The following KCNAB2 variants were observed in gnomAD, a reference collection of about 807,000 sequenced individuals.
KCNAB2 encodes the protein voltage-gated potassium channel subunit beta-2.
In KCNAB2, 29 loss-of-function variants were observed where a neutral mutation model predicts 63.6. The ratio of observed to expected loss-of-function variants is 0.46; its 90% CI spans 0.34 to 0.62. KCNAB2 has a LOEUF of 0.62. Ranked by LOEUF, KCNAB2 falls within the 20% of genes least tolerant of loss-of-function variation. KCNAB2 has a pLI of 0.01. For synonymous variants in KCNAB2, 222 were observed against 224.2 expected, an observed-to-expected ratio of 0.99 and a Z score of 0.09; for missense variants, 359 against 563.9, an observed-to-expected ratio of 0.64 and a Z score of 3.68.
chr1:6,072,746 GT>G lies in KCNAB2; in HGVS notation c.219-4del. 1 of 1,613,874 alleles carries G rather than the reference GT, an allele frequency of 6.2e-7. No homozygotes were observed. The highest frequency in any genetic ancestry group is 1.3e-5 in the African/African-American group (1 of 75,024). ...GGTGCTGAGAACTCACGTGGCGTTT[GT>G]TTTTCAGGAACCTGGGCAAGTCTGG... On this transcript the variant is annotated splice_polypyrimidine_tract_variant and splice_region_variant and intron_variant, in intron 2 of 15. Transcript: ENST00000378083.
Position 6,028,119 on chromosome 1 carries a change from C to T in KCNAB2, c.-52-12398C>T, listed in dbSNP as rs1476695546. Among the ~76,000 whole-genome samples the T allele has an allele frequency of 6.6e-6, 1 of 152,204 alleles. No individual in the cohort carries two copies. Among genetic ancestry groups the T allele is most frequent in the Non-Finnish European group, 1.5e-5 (1 of 68,034 alleles). ...GCCAACGGCCCCCTAGGGTCTTGAC[C>T]CCAGTGCACTCAGAGTCAGCACCTG... On this transcript the variant is annotated intron_variant, in intron 1 of 16. Transcript: ENST00000341524. The surrounding 1 kb of genome is among the most constrained non-coding windows in gnomAD (Gnocchi z 4.0).
chr1:5,993,210 G>A (rs1413778999), intron 1 of KCNAB2, among the ~76,000 whole-genome samples: 1 of 151,456 alleles, frequency 6.6e-6, no homozygotes, highest in Non-Finnish European at 1.5e-5. Context: ...TGCTGTTCCC[G>A]GTCCTCCCCA....
At position 6,094,450 on chromosome 1, in the gene KCNAB2, T is replaced by C; in HGVS notation, c.697T>C (p.Trp233Arg). ...CATCAACCAGGGGATGGCCATGTAC[T>C]GGGGCACGTCACGCTGGAGCTCCAT... The part of the protein sequence containing the change: ...HVINQGMAMY[W>R]GTSRWSSMEI... The change falls in exon 11 of 16, where the codon TGG becomes CGG. Residue 233 changes from tryptophan to arginine, a missense_variant. Physicochemically the swap from Trp to Arg is moderately radical, Grantham distance 101. Around this residue, in one of 2 missense-constraint regions of KCNAB2, gnomAD observed 271 missense variants for 476.1 expected, o/e 0.57. Coordinates refer to ENST00000378083, the MANE Select transcript of KCNAB2 (RefSeq NM_001199862.2). 1 of 1,612,058 alleles carries C rather than the reference T, an allele frequency of 6.2e-7. No individual in the cohort carries two copies. The highest frequency in any genetic ancestry group is 8.5e-7 in the Non-Finnish European group (1 of 1,179,546).
chr1:6,092,284 T>G (rs1194564604), intron 10 of KCNAB2, among the ~76,000 whole-genome samples: 2 of 152,232 alleles, frequency 1.3e-5, no homozygotes, highest in Non-Finnish European at 2.9e-5. Context: ...CCAGCCTGCT[T>G]CTGCCCAGAT....
intron 1 of KCNAB2, among the ~76,000 whole-genome samples, chr1:6,014,585 C>G (rs919144023): frequency 6.6e-6 from 1 of 152,224 alleles, no homozygotes; most frequent in Non-Finnish European, 1.5e-5. Context: ...CAGCTGTCCT[C>G]GGCTCTCTGC....
chr1:6,038,235 C>T (rs562268720), intron 1 of KCNAB2, among the ~76,000 whole-genome samples: 1 of 152,022 alleles, frequency 6.6e-6, no homozygotes, highest in Non-Finnish European at 1.5e-5. Context: ...CCACCACTTC[C>T]TCTGAGGTTA....
rs939873196 is a variant in KCNAB2, at chr1:6,098,342, A to C, written c.1159-143A>C. 8 of 1,456,992 alleles carry C rather than the reference A, an allele frequency of 5.5e-6. No homozygotes were observed. The African/African-American group carries it at 1.1e-4, about 21-fold the overall frequency. 90.3% of individuals were successfully genotyped at this position (1,456,992 alleles called of 1,614,324 possible). On this transcript the variant is annotated intron_variant, in intron 15 of 15. Coordinates refer to ENST00000378083, the MANE Select transcript of KCNAB2 (RefSeq NM_001199862.2). ...GAAACACAAAAGCAGCGTGGCCTCC[A>C]TCTGCCTCAGATGGAGCCCAGATGT... is the stretch of plus-strand genomic sequence containing the variant.
In KCNAB2 at chr1:6,095,365, A is replaced by G. The variant is rs765854047; in HGVS notation, c.775A>G (p.Ile259Val). 7.4e-6 allele frequency: 12 copies of G among 1,612,994 alleles called. No homozygotes were observed. The highest frequency in any genetic ancestry group is 1.7e-6 in the Non-Finnish European group (2 of 1,180,008). Reference sequence around the variant, plus strand: ...CCGGCAGTTCAACCTGACCCCGCCCATCTGCGAGCAGGCTGAGTACCACAT... The same window carrying G: ...CCGGCAGTTCAACCTGACCCCGCCCGTCTGCGAGCAGGCTGAGTACCACAT... Reference protein sequence around the residue: ...VARQFNLTPPICEQAEYHMFQ... With the variant: ...VARQFNLTPPVCEQAEYHMFQ... Residue 259 changes from isoleucine to valine, a missense_variant, in exon 12 of 16, where the codon ATC becomes GTC. Ile to Val is a conservative substitution (Grantham distance 29, BLOSUM62 3). Transcript: ENST00000378083.
intron 1 of KCNAB2, among the ~76,000 whole-genome samples, chr1:5,997,745 T>G (rs1182810327): frequency 6.6e-6 from 1 of 152,332 alleles, no homozygotes; most frequent in Admixed American, 6.5e-5. Context: ...AAAGTGATAT[T>G]CTTGCCACCC....
chr1:6,099,878 C>A lies in KCNAB2; in HGVS notation c.*1304C>A. ...AGTGACGCCCCCGTGCAGCTTGGGC[C>A]GGAGGGCAAGGGATGCCAGTAAGTC... is the stretch of plus-strand genomic sequence containing the variant. On this transcript the variant is annotated 3_prime_UTR_variant, in exon 16 of 16. Transcript: ENST00000378083. The A allele has an allele frequency of 6.5e-7, 1 of 1,550,000 alleles. No individual in the cohort carries two copies. The highest frequency in any genetic ancestry group is 8.7e-7 in the Non-Finnish European group (1 of 1,146,734).
At position 6,090,467 on chromosome 1, in the gene KCNAB2, C is replaced by T. The variant is rs1170758158; in HGVS notation, c.593C>T (p.Pro198Leu). The change falls in exon 9 of 16, where the codon CCG (proline) becomes CTG (leucine). Residue 198 changes from proline (P) to leucine (L), a missense_variant. Pro to Leu is a moderately conservative substitution (Grantham distance 98). This residue lies in a region of KCNAB2 where 271 missense variants were observed against 476.1 expected (regional missense o/e 0.57). Transcript: ENST00000378083. ...GCCAACCGCCCGGACCCCAACACCCCGATGGAAGGTAGGTGGTCTGCGGCG... is the reference window on the plus strand; with the variant it reads ...GCCAACCGCCCGGACCCCAACACCCTGATGGAAGGTAGGTGGTCTGCGGCG... ...VFANRPDPNT[P>L]MEGDPFSSSK... 18 of 1,613,194 alleles carry T rather than the reference C, an allele frequency of 1.1e-5. No individual in the cohort carries two copies. The highest frequency in any genetic ancestry group is 1.7e-5 in the Admixed American group (1 of 60,006).
chr1:6,078,066 C>G lies in KCNAB2; in HGVS notation c.301-4129C>G, dbSNP rs2100688518. ...TCTCCCGGCCAGGACCTTTCCCGGC[C>G]TAAGTCCAGGAGTCAGCCGGGCCGG... On this transcript the variant is annotated intron_variant, in intron 4 of 15. Transcript: ENST00000378083. This position sits in a 1 kb window ranked among gnomAD's most constrained non-coding sequence, Gnocchi z 4.2. 1.3e-5 allele frequency among the ~76,000 whole-genome samples: 2 copies of G among 151,846 alleles called. No homozygotes were observed. The highest frequency in any genetic ancestry group is 6.8e-3 in the Middle Eastern group (2 of 294).
At position 6,069,794 on chromosome 1, in the gene KCNAB2, C is replaced by T. The variant is rs1254941160; in HGVS notation, c.219-2961C>T. 1.3e-5 allele frequency among the ~76,000 whole-genome samples: 2 copies of T among 152,206 alleles called. No homozygotes were observed. The highest frequency in any genetic ancestry group is 1.3e-4 in the Admixed American group (2 of 15,284). ...TGGCAGCGGATGGCAGAACCAATAC[C>T]ATCATTTTCACAGGGAAACAAGTTG... On this transcript the variant is annotated intron_variant, in intron 2 of 15. Transcript: ENST00000378083. The surrounding 1 kb of genome is among the most constrained non-coding windows in gnomAD (Gnocchi z 5.4).
chr1:6,082,096 C>A, intron 4 of KCNAB2, 99 bp from the exon 5 acceptor site: 1 of 987,344 alleles, frequency 1.0e-6, no homozygotes, highest in Non-Finnish European at 1.6e-6. Flanking sequence ...GAGGGCAGGG[C>A]CTGGACACGG....
chr1:6,056,492 AC>A (rs1167620607), intron 2 of KCNAB2, among the ~76,000 whole-genome samples: 3 of 152,212 alleles, frequency 2.0e-5, no homozygotes, highest in Non-Finnish European at 2.9e-5. Flanking sequence ...TCCCCTGTGG[AC>A]GTTAGGGTTC....
rs1426043879 is a variant in KCNAB2 at position 6,100,393 on chromosome 1, C to A, written c.*1819C>A. 2 of 195,528 alleles carry A rather than the reference C, an allele frequency of 1.0e-5. No homozygotes were observed. Among genetic ancestry groups the A allele is most frequent in the Non-Finnish European group, 2.1e-5 (2 of 96,884 alleles). 12.1% of individuals were successfully genotyped at this position (195,528 alleles called of 1,614,324 possible). A position where few individuals can be genotyped will look rare whatever the true frequency, so the allele number is the denominator to read the frequency against. On this transcript the variant is annotated 3_prime_UTR_variant, in exon 16 of 16. Coordinates refer to ENST00000378083, the MANE Select transcript of KCNAB2 (RefSeq NM_001199862.2). ...GTGGGGTGGGGAAGTCCCTTCCCAA[C>A]GGAGGTCCCAGCCTATGGCCCTGGG...
upstream of KCNAB2, among the ~76,000 whole-genome samples, chr1:6,030,625 G>T (rs1347863650): frequency 6.7e-6 from 1 of 150,096 alleles, no homozygotes; most frequent in Non-Finnish European, 1.5e-5. Flanking sequence ...AGGTATGTGT[G>T]TATGTGTGTG....
rs1010225682 is a variant in KCNAB2, at chr1:6,024,027, C to T, written c.-52-16490C>T. Among the ~76,000 whole-genome samples the T allele has an allele frequency of 3.3e-5, 5 of 152,058 alleles. No homozygotes were observed. The highest frequency in any genetic ancestry group is 6.5e-5 in the Admixed American group (1 of 15,280). On this transcript the variant is annotated intron_variant, in intron 1 of 16. Transcript: ENST00000341524. The surrounding 1 kb of genome is among the most constrained non-coding windows in gnomAD (Gnocchi z 5.4). The stretch of plus-strand genomic sequence containing the variant: ...CACAATCTAGGCTCACTGCGACCTC[C>T]GCCTCCTGGGTTCAAGCAATTCTCC...
At chr1:5,999,512 G>T (rs572716002) in intron 1 of KCNAB2, among the ~76,000 whole-genome samples, 2 of 152,310 alleles carry the variant, frequency 1.3e-5, no homozygotes, top group African/African-American at 4.8e-5. Flanking sequence ...GCTTTGCGGG[G>T]GTTTCTGTAA....
Sources: gnomAD v4.1 joint callset for allele counts (sites outside exome capture counted in the v4.1 genomes callset) on GRCh38, gnomAD v4.1.1 for gene constraint, gnomAD v4.1.1 regional missense constraint, Gnocchi (gnomAD v3.1) non-coding constraint, MANE v1.5 for transcripts, NCBI Gene and HGNC (gene_info 2026-07-23, HGNC 2026-07-21) for gene names.